The following SLC22A9 variants were observed in gnomAD, a reference collection of about 807,000 sequenced individuals.
SLC22A9 encodes solute carrier family 22 member 9, also known as organic anion transporter 7.
In SLC22A9, 64 loss-of-function variants were observed where a neutral mutation model predicts 50.1. The observed-to-expected ratio is 1.28, with a 90% CI of 1.04 to 1.57. The LOEUF (loss-of-function observed/expected upper bound fraction) is 1.57, where lower values mean the gene tolerates loss of function less well. Ranked by LOEUF, SLC22A9 falls within the 40% of genes most tolerant of loss-of-function variation. The pLI, the probability that SLC22A9 is intolerant of heterozygous loss-of-function variation, is 0.00. For missense variants in SLC22A9, 757 were observed against 676.1 expected, an observed-to-expected ratio of 1.12 and a Z score of -1.33; for synonymous variants, 261 against 242.5, an observed-to-expected ratio of 1.08 and a Z score of -0.71.
Position 63,406,695 on chromosome 11 carries a change from C to A in SLC22A9, c.1272C>A (p.Ile424=). The change falls in exon 7 of 10, where the codon ATC becomes ATA. Residue 424 remains isoleucine, a synonymous_variant. Coordinates refer to ENST00000279178, the MANE Select transcript of SLC22A9 (RefSeq NM_080866.3). Reference sequence around the variant, plus strand: ...TACTGGCAATCTGCCTTCTGGCCATCATATTTGTGCCACAAGGTGAGAAAA... The same window carrying A: ...TACTGGCAATCTGCCTTCTGGCCATAATATTTGTGCCACAAGGTGAGAAAA... ...MFLLAICLLA[I]IFVPQEMQTL... 2 of 1,613,470 alleles carry A rather than the reference C, an allele frequency of 1.2e-6. No homozygotes were observed. Among genetic ancestry groups the A allele is most frequent in the Admixed American group, 1.7e-5 (1 of 59,894 alleles).
chr11:63,373,913 C>T lies in SLC22A9; in HGVS notation c.681C>T (p.His227=). ...TTCCAGTAGCCGAGTGGGCAACACACAGATTCCAGGCCATGGGAATTACAT... is the reference window on the plus strand; with the variant it reads ...TTCCAGTAGCCGAGTGGGCAACACATAGATTCCAGGCCATGGGAATTACAT... ...TIMLIAEWAT[H]RFQAMGITLG... Residue 227 remains histidine, a synonymous_variant, in exon 4 of 10, where the codon CAC becomes CAT. Transcript: ENST00000279178. 6.2e-7 allele frequency: 1 copy of T among 1,613,538 alleles called. No individual in the cohort carries two copies. The highest frequency in any genetic ancestry group is 8.5e-7 in the Non-Finnish European group (1 of 1,179,696).
chr11:63,379,075 A>C (rs537398224), intron 5 of SLC22A9, among the ~76,000 whole-genome samples: 4 of 152,304 alleles, frequency 2.6e-5, no homozygotes, highest in African/African-American at 9.6e-5. Context: ...AATCCAAAGC[A>C]AAATGAACAA....
intron 6 of SLC22A9, among the ~76,000 whole-genome samples, chr11:63,401,169 A>G (rs923305917): frequency 9.9e-5 from 15 of 152,066 alleles, no homozygotes; most frequent in Non-Finnish European, 1.9e-4. Context: ...TAGGCAAGAG[A>G]AAAAAATAAA....
rs1213826373 is a variant in SLC22A9, at chr11:63,397,953, G to A, written c.1074-8544G>A. On this transcript the variant is annotated intron_variant, in intron 6 of 9. Coordinates refer to ENST00000279178, the MANE Select transcript of SLC22A9 (RefSeq NM_080866.3). ...GCTCTTCTTTTCTCAAGTAGAAGGA[G>A]TGTCTCCCCTTAATTACCACAGCTG... 2.0e-5 allele frequency among the ~76,000 whole-genome samples: 3 copies of A among 152,080 alleles called. No individual in the cohort carries two copies. In the East Asian group the frequency reaches 5.8e-4, roughly 29 times the overall value.
chr11:63,409,539 G>T (rs185978776), intron 9 of SLC22A9, among the ~76,000 whole-genome samples: 94 of 152,242 alleles, frequency 6.2e-4, no homozygotes, highest in African/African-American at 2.1e-3. Flanking sequence ...CAGGCAGCCT[G>T]TGGGCCATAG....
rs746266688 is a variant in SLC22A9 at position 63,370,407 on chromosome 11, G to T, written c.351G>T (p.Val117=). ...GTGACGCAGACATGGAGCCCTGTGT[G>T]GATGGCTGGGTGTATGACAGAATCT... ...NTSDADMEPC[V]DGWVYDRISF... The change falls in exon 1 of 10, where the codon GTG becomes GTT. Residue 117 remains valine (V), a synonymous_variant. Transcript: ENST00000279178. 3.7e-6 allele frequency: 6 copies of T among 1,611,238 alleles called. No individual in the cohort carries two copies. In the East Asian group the frequency reaches 1.1e-4, roughly 30 times the overall value.
At chr11:63,403,808 A>AAAAT (rs577559288) in intron 6 of SLC22A9, among the ~76,000 whole-genome samples, 5 of 151,976 alleles carry the variant, frequency 3.3e-5, no homozygotes, top group African/African-American at 7.3e-5. Flanking sequence ...ATCATTATCA[A>AAAAT]AAATAAATAA....
chr11:63,408,663 T>C lies in SLC22A9; in HGVS notation c.1398-13T>C. 1 of 1,602,476 alleles carries C rather than the reference T, an allele frequency of 6.2e-7. No individual in the cohort carries two copies. Among genetic ancestry groups the C allele is most frequent in the Non-Finnish European group, 8.5e-7 (1 of 1,170,442 alleles). The stretch of plus-strand genomic sequence containing the variant: ...TTTAACAGATATTCTTGTATTGCTG[T>C]TTCCACTCAAAGGGCAAGAGCTATG... On this transcript the variant is annotated splice_polypyrimidine_tract_variant and intron_variant, in intron 8 of 9. Transcript: ENST00000279178.
intron 6 of SLC22A9, among the ~76,000 whole-genome samples, chr11:63,387,703 T>C (rs1308354320): frequency 6.6e-6 from 1 of 152,146 alleles, no homozygotes; most frequent in African/African-American, 2.4e-5. Context: ...TCATTGGTAT[T>C]TTGATAGGGA....
intron 5 of SLC22A9, among the ~76,000 whole-genome samples, chr11:63,377,033 C>T (rs754325329): frequency 3.3e-5 from 5 of 151,990 alleles, no homozygotes; most frequent in South Asian, 2.1e-4. Flanking sequence ...CACTGGAGCA[C>T]GAAGATTCAT....
At chr11:63,399,320 A>G (rs906488331) in intron 6 of SLC22A9, among the ~76,000 whole-genome samples, 1 of 152,208 alleles carries the variant, frequency 6.6e-6, no homozygotes, top group African/African-American at 2.4e-5. Context: ...CTTCACCTGT[A>G]AAATTACACC....
chr11:63,371,063 A>G (rs2014349509), intron 1 of SLC22A9, 72 bp from the exon 2 acceptor site: 1 of 1,122,300 alleles, frequency 8.9e-7, no homozygotes, highest in African/African-American at 1.6e-5. Flanking sequence ...CTTGCAGATC[A>G]TGCTAAGAAG....
At position 63,382,193 on chromosome 11, in the gene SLC22A9, C is replaced by G. The variant is rs2014575379; in HGVS notation, c.989C>G (p.Ala330Gly). Residue 330 changes from alanine (A) to glycine (G), a missense_variant, in exon 6 of 10, where the codon GCA becomes GGA. By Grantham distance (60) the Ala-to-Gly change is moderately conservative. Coordinates refer to ENST00000279178, the MANE Select transcript of SLC22A9 (RefSeq NM_080866.3). ...TCCACCATGAAAAAAGAACTGGAGG[C>G]AGCACAAAAAAAAAAACCTTCTCTG... ...LKSTMKKELE[A>G]AQKKKPSLCE... 6.2e-7 allele frequency: 1 copy of G among 1,601,852 alleles called. No homozygotes were observed. Among genetic ancestry groups the G allele is most frequent in the Admixed American group, 1.7e-5 (1 of 57,842 alleles).
intron 4 of SLC22A9, among the ~76,000 whole-genome samples, chr11:63,374,808 G>A (rs910146974): frequency 1.2e-4 from 18 of 152,096 alleles, no homozygotes; most frequent in African/African-American, 4.3e-4. Context: ...TGAAAAGAAG[G>A]TGTAGCAAAT....
At chr11:63,375,607 T>G (rs868423616) in intron 4 of SLC22A9, 38 bp from the exon 5 acceptor site, 1 of 1,597,778 alleles carries the variant, frequency 6.3e-7, no homozygotes, top group Non-Finnish European at 8.5e-7. Flanking sequence ...AATGAGGAAG[T>G]GAAAGTCGAC....
chr11:63,379,428 A>C (rs1334934474), intron 5 of SLC22A9, among the ~76,000 whole-genome samples: 1 of 152,232 alleles, frequency 6.6e-6, no homozygotes, highest in Non-Finnish European at 1.5e-5. Flanking sequence ...AACATAGAAG[A>C]TACCATTCTG....
At chr11:63,405,582 TACTACACAGGACCA>T (rs1256225394) in intron 6 of SLC22A9, among the ~76,000 whole-genome samples, 21 of 152,204 alleles carry the variant, frequency 1.4e-4, no homozygotes. Context: ...ATTCTGGATT[TACTACACAGGACCA>T]ACTACACAGT....
intron 6 of SLC22A9, among the ~76,000 whole-genome samples, chr11:63,405,920 A>G (rs760485385): frequency 8.5e-5 from 13 of 152,168 alleles, no homozygotes; most frequent in Non-Finnish European, 1.6e-4. Flanking sequence ...ATTAATGACA[A>G]TTATGACCAT....
intron 4 of SLC22A9, 52 bp from the exon 5 acceptor site, chr11:63,375,593 A>G (rs2014445416): frequency 6.3e-7 from 1 of 1,587,282 alleles, no homozygotes; most frequent in Non-Finnish European, 8.6e-7. Context: ...AAACTAATGT[A>G]AGAAATGAGG....
Sources: allele counts gnomAD v4.1 joint callset (sites outside exome capture counted in the v4.1 genomes callset), GRCh38; gene constraint gnomAD v4.1.1; transcripts MANE v1.5; gene names NCBI Gene and HGNC (gene_info 2026-07-23, HGNC 2026-07-21).